The following SEL1L2 variants were observed in gnomAD, a reference collection of about 807,000 sequenced individuals.
SEL1L2 encodes the protein protein sel-1 homolog 2.
Under a neutral mutation model 98.8 loss-of-function variants are expected in SEL1L2, and 89 were observed. The observed-to-expected ratio is 0.90, with a 90% confidence interval of 0.76 to 1.07. The LOEUF (loss-of-function observed/expected upper bound fraction) is 1.07, where lower values mean the gene tolerates loss of function less well. Among genes scored for constraint, SEL1L2 ranks in the 50% least tolerant of loss-of-function variants. SEL1L2 has a pLI of 0.00. For missense variants in SEL1L2, 788 were observed against 812.0 expected, an observed-to-expected ratio of 0.97 and a Z score of 0.36; for synonymous variants, 262 against 278.5, an observed-to-expected ratio of 0.94 and a Z score of 0.59.
At chr20:13,946,538 C>T (rs8115070) in intron 2 of SEL1L2, among the ~76,000 whole-genome samples, 17,429 of 152,276 alleles carry the variant, frequency 0.11, 1,174 homozygotes, top group Admixed American at 0.18. Context: ...CTGGAGCAGC[C>T]ACTGCAGAAA....
chr20:13,913,673 T>C, intron 5 of SEL1L2, 109 bp downstream of exon 5: 2 of 1,024,892 alleles, frequency 2.0e-6, no homozygotes. Context: ...CTCCCTAGAC[T>C]GGGTTCATGC....
intron 10 of SEL1L2, among the ~76,000 whole-genome samples, chr20:13,880,399 C>T (rs2046638858): frequency 6.6e-6 from 1 of 152,190 alleles, no homozygotes; most frequent in Admixed American, 6.5e-5. Context: ...CTGTCTCATA[C>T]ACTGCTCCAC....
At chr20:13,956,264 T>C in intron 1 of SEL1L2, 133 bp from the exon 2 acceptor site, 1 of 554,416 alleles carries the variant, frequency 1.8e-6, no homozygotes, top group Non-Finnish European at 3.1e-6. Context: ...CAATAATTTA[T>C]AATTTAGAGT....
At chr20:13,963,391 CAAAAAAAA>C (rs67070339) in intron 1 of SEL1L2, among the ~76,000 whole-genome samples, 30 of 48,196 alleles carry the variant, frequency 6.2e-4, no homozygotes, top group African/African-American at 2.2e-3. Context: ...TCTGGAGCAG[CAAAAAAAA>C]AAAAAAAAAA....
intron 2 of SEL1L2, among the ~76,000 whole-genome samples, chr20:13,933,928 G>A (rs566381246): frequency 6.9e-6 from 1 of 144,504 alleles, no homozygotes; most frequent in African/African-American, 2.5e-5. Flanking sequence ...TTTATTAGAT[G>A]TTTAGTAAGT....
At chr20:13,971,492 C>T (rs1243675554) in intron 1 of SEL1L2, among the ~76,000 whole-genome samples, 1 of 152,172 alleles carries the variant, frequency 6.6e-6, no homozygotes, top group Non-Finnish European at 1.5e-5. Flanking sequence ...GTGGCACAGT[C>T]TCAGCTCACT....
chr20:13,919,924 C>CAAA (rs10655831), intron 3 of SEL1L2, among the ~76,000 whole-genome samples: 24,344 of 129,706 alleles, frequency 0.19, 2,321 homozygotes, highest in Non-Finnish European at 0.22. Flanking sequence ...GACTCCGTCT[C>CAAA]AAAAAAAAAA....
chr20:13,852,487 TA>T (rs748631081), intron 18 of SEL1L2, among the ~76,000 whole-genome samples: 1 of 152,112 alleles, frequency 6.6e-6, no homozygotes, highest in Non-Finnish European at 1.5e-5. Context: ...CCCTATTTAG[TA>T]AAAAAATCTA....
chr20:13,989,114 A>T (rs142974041), intron 1 of SEL1L2, among the ~76,000 whole-genome samples: 17 of 152,360 alleles, frequency 1.1e-4, no homozygotes, highest in African/African-American at 4.1e-4. Context: ...CAATTCATGA[A>T]CATGGGAAGT....
At chr20:13,879,550 G>T (rs915421170) in intron 10 of SEL1L2, among the ~76,000 whole-genome samples, 6 of 151,934 alleles carry the variant, frequency 3.9e-5, no homozygotes, top group African/African-American at 1.5e-4. Context: ...ATGGGGTTTT[G>T]CCATGTTTGC....
chr20:13,971,955 C>T (rs965616620), intron 1 of SEL1L2, among the ~76,000 whole-genome samples: 5 of 152,056 alleles, frequency 3.3e-5, no homozygotes, highest in African/African-American at 1.2e-4. Context: ...CTCCTCTATT[C>T]TTCTGGCAAT....
At chr20:13,976,311 G>T (rs61367761) in intron 1 of SEL1L2, among the ~76,000 whole-genome samples, 5,143 of 151,586 alleles carry the variant, frequency 0.034, 218 homozygotes, top group African/African-American at 0.096. Flanking sequence ...GTTTTTTTTT[G>T]TTGTTGTTGT....
chr20:13,953,831 A>G (rs2050390172), intron 2 of SEL1L2, among the ~76,000 whole-genome samples: 2 of 152,114 alleles, frequency 1.3e-5, no homozygotes, highest in Admixed American at 1.3e-4. Flanking sequence ...TTTTTAGCTG[A>G]ACTAAGGAGA....
At chr20:13,975,174 T>C (rs190892165) in intron 1 of SEL1L2, among the ~76,000 whole-genome samples, 14 of 152,280 alleles carry the variant, frequency 9.2e-5, no homozygotes, top group African/African-American at 3.1e-4. Flanking sequence ...CCAGTAAAAT[T>C]AGAAAATCTA....
chr20:13,923,971 T>G (rs1438951856), intron 3 of SEL1L2, among the ~76,000 whole-genome samples: 2 of 152,182 alleles, frequency 1.3e-5, no homozygotes, highest in African/African-American at 4.8e-5. Flanking sequence ...TAATTTTTCA[T>G]TTTTATATTT....
At chr20:13,912,291 G>GT in intron 5 of SEL1L2, among the ~76,000 whole-genome samples, 2 of 145,564 alleles carry the variant, frequency 1.4e-5, no homozygotes, top group African/African-American at 2.5e-5. Context: ...TTTTCTGTGG[G>GT]ATTTTTTTTT....
intron 1 of SEL1L2, among the ~76,000 whole-genome samples, chr20:13,975,331 T>G (rs2051485242): frequency 6.6e-6 from 1 of 152,210 alleles, no homozygotes; most frequent in Non-Finnish European, 1.5e-5. Flanking sequence ...AATATTTGGA[T>G]GATTGATTGA....
intron 5 of SEL1L2, among the ~76,000 whole-genome samples, chr20:13,895,195 C>T (rs920489244): frequency 9.9e-5 from 15 of 152,190 alleles, no homozygotes; most frequent in African/African-American, 3.6e-4. Flanking sequence ...GTAATCCCAG[C>T]ACTTTAGGAA....
intron 1 of SEL1L2, among the ~76,000 whole-genome samples, chr20:13,957,884 T>G (rs924899706): frequency 1.3e-5 from 2 of 152,098 alleles, no homozygotes; most frequent in Non-Finnish European, 2.9e-5. Flanking sequence ...CTTAAATAAA[T>G]AAATATTCAA....
Sources: gnomAD v4.1 joint callset for allele counts (sites outside exome capture counted in the v4.1 genomes callset) on GRCh38, gnomAD v4.1.1 for gene constraint, MANE v1.5 for transcripts, NCBI Gene and HGNC (gene_info 2026-07-23, HGNC 2026-07-21) for gene names.